PDE1A: variants seen among roughly 807,000 people sequenced by gnomAD.
The protein encoded by PDE1A is dual specificity calcium/calmodulin-dependent 3',5'-cyclic nucleotide phosphodiesterase 1A.
Under a neutral mutation model 61.7 loss-of-function variants are expected in PDE1A, and 35 were observed. The observed-to-expected ratio is 0.57, with a 90% CI of 0.43 to 0.75. The LOEUF (loss-of-function observed/expected upper bound fraction) is 0.75. Among genes scored for constraint, PDE1A ranks in the 30% least tolerant of loss-of-function variants. The pLI is 0.00. For missense variants in PDE1A, 597 were observed against 630.6 expected, an observed-to-expected ratio of 0.95 and a Z score of 0.57; for synonymous variants, 232 against 213.2, an observed-to-expected ratio of 1.09 and a Z score of -0.77.
At chr2:182,708,452 T>G in the PDE1A span, among the ~76,000 whole-genome samples, 7 of 152,232 alleles carry the variant, frequency 4.6e-5, no homozygotes, top group African/African-American at 1.7e-4. Context: ...GGGCTCCAGA[T>G]CTACACTGCC....
Position 182,376,435 on chromosome 2 carries a change from C to T in PDE1A, c.53+50143G>A, listed in dbSNP as rs1427327536. ...CTTTGCTAAGACATAATAAGAGTCA[C>T]CTTTGCTCCAGTTCTCAACAAGTTC... On this transcript the variant is annotated intron_variant, in intron 1 of 13. Transcript: ENST00000351439. Among the ~76,000 whole-genome samples, 7 of 152,306 alleles carry T rather than the reference C, an allele frequency of 4.6e-5. No individual in the cohort carries two copies. In the East Asian group the frequency reaches 7.7e-4, roughly 17 times the overall value.
chr2:182,695,666 C>CA, the PDE1A span, among the ~76,000 whole-genome samples: 3,385 of 32,662 alleles, frequency 0.1, 91 homozygotes, highest in Non-Finnish European at 0.14. Context: ...GGCCCTCTCT[C>CA]AAAAAAAAAA....
chr2:182,321,635 C>T lies in PDE1A; in HGVS notation c.54-57221G>A, dbSNP rs556311660. On this transcript the variant is annotated intron_variant, in intron 1 of 13. Transcript: ENST00000351439. ...TGATCCTTTCATTTTAACTACATTGCTGAACACCTGTTTTTTCACTAATGG... is the reference window on the plus strand; with the variant it reads ...TGATCCTTTCATTTTAACTACATTGTTGAACACCTGTTTTTTCACTAATGG... Among the ~76,000 whole-genome samples the T allele has an allele frequency of 1.1e-4, 17 of 152,212 alleles. No individual in the cohort carries two copies. In the East Asian group the frequency reaches 3.1e-3, roughly 28 times the overall value.
intron 2 of PDE1A, among the ~76,000 whole-genome samples, chr2:182,488,273 T>C (rs940659167): frequency 1.3e-5 from 2 of 152,204 alleles, no homozygotes; most frequent in Non-Finnish European, 2.9e-5. Flanking sequence ...AAAATGACTA[T>C]AGCACTTGAA....
At chr2:182,449,557 G>A (rs1173800246) in intron 2 of PDE1A, among the ~76,000 whole-genome samples, 1 of 152,048 alleles carries the variant, frequency 6.6e-6, no homozygotes, top group Non-Finnish European at 1.5e-5. Context: ...AAGTTGAAAG[G>A]AGAAAGTATC....
intron 1 of PDE1A, among the ~76,000 whole-genome samples, chr2:182,415,276 C>T (rs1366642300): frequency 1.3e-5 from 2 of 151,974 alleles, no homozygotes; most frequent in Non-Finnish European, 2.9e-5. Context: ...TTCAGAAAAT[C>T]ACAATAAGTA....
chr2:182,453,449 G>C (rs1346527850), intron 2 of PDE1A, among the ~76,000 whole-genome samples: 1 of 151,610 alleles, frequency 6.6e-6, no homozygotes, highest in East Asian at 1.9e-4. Context: ...AAAAAAATCT[G>C]TGTGCAGGAA....
chr2:182,204,285 G>A (rs1006082807), intron 8 of PDE1A, among the ~76,000 whole-genome samples: 1 of 152,094 alleles, frequency 6.6e-6, no homozygotes, highest in Non-Finnish European at 1.5e-5. Context: ...CCATCTAATC[G>A]CTACATAGCC....
At chr2:182,485,922 A>G (rs1379214863) in intron 2 of PDE1A, among the ~76,000 whole-genome samples, 1 of 152,032 alleles carries the variant, frequency 6.6e-6, no homozygotes, top group African/African-American at 2.4e-5. Flanking sequence ...TGCCTGCTTC[A>G]CTACTATTTA....
At chr2:182,398,287 C>T (rs180978860) in intron 1 of PDE1A, among the ~76,000 whole-genome samples, 16 of 151,782 alleles carry the variant, frequency 1.1e-4, no homozygotes, top group East Asian at 3.9e-4. Flanking sequence ...TGAATTACAA[C>T]GCAAACTGTC....
exon 4 of PDE1A, chr2:182,234,462 T>C (rs777380196): frequency 6.8e-6 from 11 of 1,608,094 alleles, no homozygotes; most frequent in Middle Eastern, 1.7e-4. Context: ...CTGCTGGATA[T>C]GCCAAACCAA....
At chr2:182,650,218 G>T in the PDE1A span, among the ~76,000 whole-genome samples, 1 of 152,094 alleles carries the variant, frequency 6.6e-6, no homozygotes, top group African/African-American at 2.4e-5. Flanking sequence ...CAGACTATGG[G>T]AAAACGCAAG....
chr2:182,519,434 G>T (rs763661554), intron 2 of PDE1A, among the ~76,000 whole-genome samples: 1 of 151,930 alleles, frequency 6.6e-6, no homozygotes, highest in Non-Finnish European at 1.5e-5. Flanking sequence ...TAAATAAAAA[G>T]ATTGTAATAT....
upstream of PDE1A, among the ~76,000 whole-genome samples, chr2:182,527,056 T>C: frequency 6.6e-6 from 1 of 151,344 alleles, no homozygotes; most frequent in Non-Finnish European, 1.5e-5. Flanking sequence ...TATTCTATTT[T>C]TTTAAAGGAC....
intron 1 of PDE1A, among the ~76,000 whole-genome samples, chr2:182,363,873 A>G (rs1699660458): frequency 6.6e-6 from 1 of 152,042 alleles, no homozygotes; most frequent in Admixed American, 6.6e-5. Flanking sequence ...TATGCATATA[A>G]GATTTTAGAG....
chr2:182,210,110 C>T (rs1687459838), intron 7 of PDE1A, among the ~76,000 whole-genome samples: 1 of 152,160 alleles, frequency 6.6e-6, no homozygotes, highest in African/African-American at 2.4e-5. Context: ...AGTATCTGTG[C>T]TATAAGTTTT....
At chr2:182,424,441 G>A (rs1047264260) in intron 1 of PDE1A, among the ~76,000 whole-genome samples, 23 of 152,130 alleles carry the variant, frequency 1.5e-4, no homozygotes, top group African/African-American at 5.6e-4. Flanking sequence ...AGTACATACT[G>A]AGAAGGAAAG....
chr2:182,282,023 A>G (rs1420208452), intron 1 of PDE1A, among the ~76,000 whole-genome samples: 1 of 151,954 alleles, frequency 6.6e-6, no homozygotes, highest in Non-Finnish European at 1.5e-5. Flanking sequence ...ATCTGGAACA[A>G]TGTTACCCTT....
chr2:182,192,216 G>C (rs1157861304), intron 10 of PDE1A, among the ~76,000 whole-genome samples: 1 of 152,050 alleles, frequency 6.6e-6, no homozygotes, highest in East Asian at 1.9e-4. Context: ...ATAGGGCTTA[G>C]GCATTTGACA....
Sources: gnomAD v4.1 joint callset for allele counts (sites outside exome capture counted in the v4.1 genomes callset) on GRCh38, gnomAD v4.1.1 for gene constraint, MANE v1.5 for transcripts, NCBI Gene and HGNC (gene_info 2026-07-23, HGNC 2026-07-21) for gene names.